The following PGM3 variants were observed in gnomAD, a reference collection of about 807,000 sequenced individuals.
PGM3 encodes phosphoglucomutase 3.
Under a neutral mutation model 66.2 loss-of-function variants are expected in PGM3, and 40 were observed. The ratio of observed to expected loss-of-function variants is 0.60; its 90% CI spans 0.47 to 0.79. The LOEUF (loss-of-function observed/expected upper bound fraction) is 0.79. Ranked by LOEUF, PGM3 falls within the 30% of genes least tolerant of loss-of-function variation. The probability of loss-of-function intolerance (pLI) is 0.00; values close to 1 mark genes in which losing one functional copy is unlikely to be tolerated. For missense variants in PGM3, 537 were observed against 643.4 expected (o/e 0.83, Z 1.79); for synonymous variants, 191 against 224.2 (o/e 0.85, Z 1.32).
chr6:83,160,069 A>C, downstream of PGM3: 1 of 1,018,724 alleles, frequency 9.8e-7, no homozygotes. Flanking sequence ...AAATATTCCT[A>C]ATTTTTACTA....
chr6:83,189,264 G>T lies in PGM3; in HGVS notation c.205-466C>A, dbSNP rs532752365. ...CAGAGATCCTTCTCACTATGACTCG[G>T]AACTCCAAGAACACACTAGCCAGCT... On this transcript the variant is annotated intron_variant, in intron 2 of 12. Transcript: ENST00000513973. 1.4e-4 allele frequency among the ~76,000 whole-genome samples: 21 copies of T among 152,264 alleles called. No individual in the cohort carries two copies. In the East Asian group the frequency reaches 3.7e-3, roughly 27 times the overall value.
chr6:83,183,684 C>T (rs1283060254), intron 4 of PGM3, among the ~76,000 whole-genome samples: 2 of 152,116 alleles, frequency 1.3e-5, no homozygotes, highest in East Asian at 3.9e-4. Flanking sequence ...CATGGACTTC[C>T]TGCCCAACAT....
downstream of PGM3, chr6:83,160,099 C>T (rs1340983504): frequency 1.2e-6 from 1 of 831,510 alleles, no homozygotes; most frequent in African/African-American, 1.7e-5. Flanking sequence ...TCTTTTGGCA[C>T]AGCAGAGTTA....
intron 6 of PGM3, among the ~76,000 whole-genome samples, chr6:83,180,521 C>T (rs1465329081): frequency 6.6e-6 from 1 of 152,108 alleles, no homozygotes; most frequent in Non-Finnish European, 1.5e-5. Context: ...TTTGGCTATT[C>T]CTTAGCCATG....
chr6:83,151,175 T>C, the PGM3 span, among the ~76,000 whole-genome samples: 1 of 152,218 alleles, frequency 6.6e-6, no homozygotes, highest in Non-Finnish European at 1.5e-5. Flanking sequence ...TTCTTTGATA[T>C]GGGATCTTGC....
chr6:83,169,163 C>T lies in PGM3; in HGVS notation c.*71G>A. On this transcript the variant is annotated 3_prime_UTR_variant, in exon 13 of 13. Coordinates refer to ENST00000513973, the MANE Select transcript of PGM3 (RefSeq NM_015599.3). The stretch of plus-strand genomic sequence containing the variant: ...CATTATGATTATAAATCTCTTAGTA[C>T]TGCCATTATTATTGACAGTTTTGTA... 2 of 1,586,558 alleles carry T rather than the reference C, an allele frequency of 1.3e-6. No individual in the cohort carries two copies. Among genetic ancestry groups the T allele is most frequent in the Non-Finnish European group, 8.6e-7 (1 of 1,164,372 alleles).
At chr6:83,186,788 T>C (rs1788613338) in intron 4 of PGM3, among the ~76,000 whole-genome samples, 1 of 143,090 alleles carries the variant, frequency 7.0e-6, no homozygotes, top group Admixed American at 6.9e-5. Context: ...TTCCCAGCTA[T>C]AATCTCCTAT....
Position 83,166,254 on chromosome 6 carries a change from G to T in PGM3, c.*2980C>A. The T allele has an allele frequency of 1.9e-6, 1 of 522,278 alleles. No individual in the cohort carries two copies. Among genetic ancestry groups the T allele is most frequent in the Non-Finnish European group, 3.4e-6 (1 of 296,350 alleles). The allele number at this position is 522,278 out of a possible 1,614,324, so 32.4% of individuals were successfully genotyped here. A position where few individuals can be genotyped will look rare whatever the true frequency, so the allele number is the denominator to read the frequency against. The stretch of plus-strand genomic sequence containing the variant: ...TAAAATGGTCAACATTGAGTTCTTG[G>T]GCAGCTCTCTTATAGTTGTAAGAGG... On this transcript the variant is annotated 3_prime_UTR_variant, in exon 13 of 13. Coordinates refer to ENST00000513973, the MANE Select transcript of PGM3 (RefSeq NM_015599.3).
rs1213222518 is a variant in PGM3, at chr6:83,167,132, G to C, written c.*2102C>G. 1.1e-6 allele frequency: 1 copy of C among 943,362 alleles called. No individual in the cohort carries two copies. Among genetic ancestry groups the C allele is most frequent in the Non-Finnish European group, 1.3e-6 (1 of 791,882 alleles). 58.4% of individuals were successfully genotyped at this position (943,362 alleles called of 1,614,324 possible). A position where few individuals can be genotyped will look rare whatever the true frequency, so the allele number is the denominator to read the frequency against. ...AGAGTTTTCACATACCTTCTCATTT[G>C]ACTTCTCTACTAAAAGGTAGTTTTA... On this transcript the variant is annotated 3_prime_UTR_variant, in exon 13 of 13. Coordinates refer to ENST00000513973, the MANE Select transcript of PGM3 (RefSeq NM_015599.3).
intron 4 of PGM3, among the ~76,000 whole-genome samples, chr6:83,186,450 G>C (rs1037879653): frequency 4.6e-5 from 7 of 152,154 alleles, no homozygotes; most frequent in African/African-American, 1.7e-4. Context: ...GTTTTAATGA[G>C]AAAGATCTCA....
chr6:83,155,954 G>A, the PGM3 span: 11 of 1,609,862 alleles, frequency 6.8e-6, no homozygotes, highest in East Asian at 4.5e-5. Flanking sequence ...TTTTCAGCTC[G>A]TGTAGCAGTG....
downstream of PGM3, chr6:83,164,727 T>A: frequency 1.3e-6 from 2 of 1,585,410 alleles, no homozygotes; most frequent in Non-Finnish European, 1.7e-6. Flanking sequence ...CAGGTGAGGG[T>A]GGCTGTTTCA....
intron 9 of PGM3, among the ~76,000 whole-genome samples, chr6:83,175,311 T>G (rs949996206): frequency 6.6e-6 from 1 of 152,222 alleles, no homozygotes; most frequent in Non-Finnish European, 1.5e-5. Flanking sequence ...AAGTTATATC[T>G]TAATTGCATT....
At chr6:83,188,592 T>C (rs1301335095) in intron 3 of PGM3, 22 bp downstream of exon 3, 18 of 1,502,708 alleles carry the variant, frequency 1.2e-5, no homozygotes, top group East Asian at 1.1e-4. Flanking sequence ...TTTTTTTTTT[T>C]ACCAGTAACT....
the PGM3 span, chr6:83,148,968 C>T: frequency 1.6e-6 from 1 of 630,966 alleles, no homozygotes; most frequent in Non-Finnish European, 2.5e-6. Context: ...ATCTCTCTAC[C>T]TTCTCATAGT....
At chr6:83,175,787 TAA>T (rs1384209036) in intron 9 of PGM3, among the ~76,000 whole-genome samples, 173 bp downstream of exon 9, 1 of 152,190 alleles carries the variant, frequency 6.6e-6, no homozygotes, top group Non-Finnish European at 1.5e-5. Flanking sequence ...CATTACCATG[TAA>T]AAGAGAATCA....
the PGM3 span, chr6:83,148,786 C>G: frequency 1.3e-6 from 2 of 1,557,958 alleles, no homozygotes; most frequent in Non-Finnish European, 1.7e-6. Context: ...TAGTGGATAG[C>G]TGGGCGTCAC....
intron 11 of PGM3, 166 bp from the exon 12 acceptor site, chr6:83,170,644 C>CT: frequency 3.3e-6 from 2 of 603,310 alleles, no homozygotes; most frequent in Non-Finnish European, 5.7e-6. Flanking sequence ...CAACTTTTCT[C>CT]TTTTTCTTCA....
rs1306490885 is a variant in PGM3 at position 83,166,845 on chromosome 6, G to A, written c.*2389C>T. ...AGTTTCTGAGCAACATCTGATCTTA[G>A]AAGGCAAACTCCATTTGTTAATATG... On this transcript the variant is annotated 3_prime_UTR_variant, in exon 13 of 13. Coordinates refer to ENST00000513973, the MANE Select transcript of PGM3 (RefSeq NM_015599.3). 2.0e-6 allele frequency: 2 copies of A among 1,001,622 alleles called. No homozygotes were observed. Among genetic ancestry groups the A allele is most frequent in the African/African-American group, 3.5e-5 (2 of 57,844 alleles). The allele number at this position is 1,001,622 out of a possible 1,614,324, so 62.0% of individuals were successfully genotyped here.
Sources: allele counts gnomAD v4.1 joint callset (sites outside exome capture counted in the v4.1 genomes callset), GRCh38; gene constraint gnomAD v4.1.1; transcripts MANE v1.5; gene names NCBI Gene and HGNC (gene_info 2026-07-23, HGNC 2026-07-21).